PARD3B: variants seen among roughly 807,000 people sequenced by gnomAD.
The protein encoded by PARD3B is par-3 family cell polarity regulator beta, also known as partitioning defective 3 homolog B.
In PARD3B, 103 loss-of-function variants were observed where a neutral mutation model predicts 130.2. The ratio of observed to expected loss-of-function variants is 0.79; its 90% CI spans 0.67 to 0.93. PARD3B has a LOEUF of 0.93. Among genes scored for constraint, PARD3B ranks in the 40% least tolerant of loss-of-function variants. The probability of loss-of-function intolerance (pLI) is 0.00; values close to 1 mark genes in which losing one functional copy is unlikely to be tolerated. For synonymous variants in PARD3B, 583 were observed against 553.2 expected (o/e 1.05, Z -0.76); for missense variants, 1,609 against 1,499.2 (o/e 1.07, Z -1.21).
At position 204,546,006 on chromosome 2, in the gene PARD3B, G is replaced by A; in HGVS notation, c.7G>A (p.Val3Met). ...GTGGTCGCCGGGGGCCAGGATGAAA[G>A]TGACCGTGTGCTTCGGCAGGACGGG... is the stretch of plus-strand genomic sequence containing the variant. Reference protein sequence around the residue: MKVTVCFGRTGIV... With the variant: MKMTVCFGRTGIV... The change falls in exon 1 of 23, where the codon GTG becomes ATG. Residue 3 changes from valine to methionine, a missense_variant. By Grantham distance (21) the Val-to-Met change is conservative. Coordinates refer to ENST00000406610, the MANE Select transcript of PARD3B (RefSeq NM_001302769.2). 6.4e-7 allele frequency: 1 copy of A among 1,566,932 alleles called. No homozygotes were observed. The highest frequency in any genetic ancestry group is 8.7e-7 in the Non-Finnish European group (1 of 1,155,304).
chr2:205,188,848 C>T (rs1283132049), intron 14 of PARD3B, among the ~76,000 whole-genome samples: 1 of 149,638 alleles, frequency 6.7e-6, no homozygotes, highest in African/African-American at 2.5e-5. Context: ...AGGGATGAGG[C>T]TAATCTTGTA....
intron 1 of PARD3B, among the ~76,000 whole-genome samples, chr2:204,589,505 T>G (rs1367952878): frequency 1.3e-5 from 2 of 152,194 alleles, no homozygotes; most frequent in Non-Finnish European, 2.9e-5. Context: ...TTTCACTTGC[T>G]TAGAATGCCT....
chr2:204,569,020 A>G (rs962279852), intron 1 of PARD3B, among the ~76,000 whole-genome samples: 1 of 151,938 alleles, frequency 6.6e-6, no homozygotes, highest in Non-Finnish European at 1.5e-5. Flanking sequence ...CAAATATATC[A>G]TTGCTTTAAA....
At chr2:205,384,171 A>C (rs1041102706) in intron 18 of PARD3B, among the ~76,000 whole-genome samples, 1 of 152,106 alleles carries the variant, frequency 6.6e-6, no homozygotes, top group East Asian at 1.9e-4. Flanking sequence ...GAGAGAATGG[A>C]TAATTGAAAT....
chr2:205,608,115 G>A (rs2055083703), intron 22 of PARD3B, among the ~76,000 whole-genome samples: 2 of 152,072 alleles, frequency 1.3e-5, no homozygotes, highest in South Asian at 4.1e-4. Flanking sequence ...ATCTAAAATA[G>A]TTAGGGAAAA....
intron 16 of PARD3B, among the ~76,000 whole-genome samples, chr2:205,251,515 A>C (rs2039848771): frequency 6.6e-6 from 1 of 152,212 alleles, no homozygotes; most frequent in Non-Finnish European, 1.5e-5. Flanking sequence ...TTGCAAAAGA[A>C]CAGAGCTTTT....
At chr2:205,209,285 A>G (rs1321010174) in intron 15 of PARD3B, among the ~76,000 whole-genome samples, 1 of 151,270 alleles carries the variant, frequency 6.6e-6, no homozygotes, top group Non-Finnish European at 1.5e-5. Flanking sequence ...AAACCTAGGC[A>G]TTACCATTCA....
intron 18 of PARD3B, among the ~76,000 whole-genome samples, chr2:205,330,523 G>C (rs1031779856): frequency 6.6e-6 from 1 of 152,166 alleles, no homozygotes; most frequent in Non-Finnish European, 1.5e-5. Flanking sequence ...ACCTGACTCT[G>C]TAGCTCCAGG....
At chr2:205,469,558 T>G (rs1178651666) in intron 20 of PARD3B, among the ~76,000 whole-genome samples, 4 of 152,134 alleles carry the variant, frequency 2.6e-5, no homozygotes, top group Non-Finnish European at 4.4e-5. Context: ...AGAAGCTTCT[T>G]AAGGGGAACA....
At chr2:205,266,948 A>G (rs945661294) in intron 16 of PARD3B, among the ~76,000 whole-genome samples, 5 of 152,152 alleles carry the variant, frequency 3.3e-5, no homozygotes, top group Admixed American at 1.3e-4. Context: ...AGGATTTTCA[A>G]CAAAAACGAT....
intron 2 of PARD3B, among the ~76,000 whole-genome samples, chr2:204,738,119 G>C (rs868455494): frequency 4.6e-5 from 7 of 151,960 alleles, no homozygotes; most frequent in Admixed American, 6.6e-5. Context: ...AAATGATGTT[G>C]GTATTTTGAT....
chr2:204,771,269 T>A (rs2041364319), intron 2 of PARD3B, among the ~76,000 whole-genome samples: 1 of 152,054 alleles, frequency 6.6e-6, no homozygotes. Context: ...TGTGTAAGCA[T>A]GTCTTGGGTA....
Position 205,176,341 on chromosome 2 carries a change from T to C in PARD3B, c.1792-104T>C. On this transcript the variant is annotated intron_variant, in intron 12 of 22. Transcript: ENST00000406610. The surrounding 1 kb of genome is among the most constrained non-coding windows in gnomAD (Gnocchi z 5.3). ...AGTTGAGGACTTAAGTGTAATAGACTCTTGAAAGACTATTCATACAGCGAT... is the reference window on the plus strand; with the variant it reads ...AGTTGAGGACTTAAGTGTAATAGACCCTTGAAAGACTATTCATACAGCGAT... 2.6e-6 allele frequency: 3 copies of C among 1,171,716 alleles called. No individual in the cohort carries two copies. Among genetic ancestry groups the C allele is most frequent in the Non-Finnish European group, 3.5e-6 (3 of 852,720 alleles). The allele number at this position is 1,171,716 out of a possible 1,614,324, so 72.6% of individuals were successfully genotyped here.
At position 204,545,907 on chromosome 2, in the gene PARD3B, C is replaced by T. The variant is rs2029890006; in HGVS notation, c.-93C>T. ...GGAGCGGCGCCCCGGGTCTCTGGGC[C>T]CACCCGCCCCGGGCGTCCTCCGAGA... On this transcript the variant is annotated 5_prime_UTR_variant, in exon 1 of 23. Transcript: ENST00000406610. The T allele has an allele frequency of 7.3e-7, 1 of 1,375,456 alleles. No individual in the cohort carries two copies. Among genetic ancestry groups the T allele is most frequent in the Non-Finnish European group, 9.5e-7 (1 of 1,056,004 alleles). 85.2% of individuals were successfully genotyped at this position (1,375,456 alleles called of 1,614,324 possible). A position where few individuals can be genotyped will look rare whatever the true frequency, so the allele number is the denominator to read the frequency against.
At chr2:205,057,664 T>TATGTGTATGTGTATACGTACATATAC (rs1699801655) in intron 4 of PARD3B, among the ~76,000 whole-genome samples, 3 of 146,900 alleles carry the variant, frequency 2.0e-5, no homozygotes, top group Non-Finnish European at 4.5e-5. Context: ...TACGTACATA[T>TATGTGTATGTGTATACGTACATATAC]ACATATATGT....
intron 7 of PARD3B, among the ~76,000 whole-genome samples, chr2:205,119,508 G>A (rs12999205): frequency 0.17 from 25,890 of 152,128 alleles, 2,431 homozygotes; most frequent in Middle Eastern, 0.26. Flanking sequence ...CTGGCCAGGC[G>A]GAGTGGTTCA....
At chr2:205,081,811 CTATT>C (rs1222349405) in intron 4 of PARD3B, among the ~76,000 whole-genome samples, 5 of 152,036 alleles carry the variant, frequency 3.3e-5, no homozygotes, top group African/African-American at 1.2e-4. Context: ...TTTTGCCTCT[CTATT>C]TATGAGTGTT....
intron 1 of PARD3B, among the ~76,000 whole-genome samples, chr2:204,681,739 C>CT (rs1043590427): frequency 6.6e-6 from 1 of 152,180 alleles, no homozygotes; most frequent in African/African-American, 2.4e-5. Flanking sequence ...CAGACATGCT[C>CT]TGTCACCTTC....
At chr2:205,333,311 G>C (rs919636501) in intron 18 of PARD3B, among the ~76,000 whole-genome samples, 3 of 146,160 alleles carry the variant, frequency 2.1e-5, no homozygotes, top group Non-Finnish European at 1.5e-5. Flanking sequence ...ACACATTTTA[G>C]TATAAAAAAA....
Sources: allele counts gnomAD v4.1 joint callset (sites outside exome capture counted in the v4.1 genomes callset), GRCh38; gene constraint gnomAD v4.1.1; non-coding constraint Gnocchi (gnomAD v3.1); transcripts MANE v1.5; gene names NCBI Gene and HGNC (gene_info 2026-07-23, HGNC 2026-07-21).